Variants in METTL24 observed in about 807,000 individuals in gnomAD.
METTL24 encodes methyltransferase like 24.
In METTL24, 29 loss-of-function variants were observed where a neutral mutation model predicts 32.7. That is an observed-to-expected ratio of 0.89 (90% CI 0.66 to 1.21). The LOEUF is 1.21. METTL24 is among the 50% of genes most tolerant of loss of function. The pLI is 0.00. For missense variants in METTL24, 439 were observed against 468.1 expected, an observed-to-expected ratio of 0.94 and a Z score of 0.57; for synonymous variants, 163 against 179.5, an observed-to-expected ratio of 0.91 and a Z score of 0.73.
At chr6:110,349,938 T>C (rs1772560284) in intron 1 of METTL24, among the ~76,000 whole-genome samples, 1 of 152,106 alleles carries the variant, frequency 6.6e-6, no homozygotes. Context: ...ATGACATAGC[T>C]TCACTGCTGG....
In METTL24 at chr6:110,309,862, C is replaced by CAAAA. The variant is rs11408319; in HGVS notation, c.557+5476_557+5479dup. ...AAGGGGTAAAATGTATTCTTAGGAG[C>CAAAA]AAAAAAAACAAAACAAAACAAAACA... On this transcript the variant is annotated intron_variant, in intron 3 of 4. Transcript: ENST00000338882. Among the ~76,000 whole-genome samples the CAAAA allele has an allele frequency of 5.4e-5, 8 of 148,028 alleles. No individual in the cohort carries two copies. In the South Asian group the frequency reaches 1.5e-3, roughly 28 times the overall value.
At chr6:110,265,189 GAAAGAAA>G (rs1770833359) in intron 4 of METTL24, among the ~76,000 whole-genome samples, 2 of 114,876 alleles carry the variant, frequency 1.7e-5, no homozygotes. Context: ...AAGAAAGAAA[GAAAGAAA>G]GAAAGTTAAT....
intron 3 of METTL24, among the ~76,000 whole-genome samples, chr6:110,303,643 GA>G (rs1422867906): frequency 4.6e-5 from 7 of 152,206 alleles, no homozygotes; most frequent in Admixed American, 3.9e-4. Flanking sequence ...GGGCATCCCT[GA>G]AAGAAATGCA....
At chr6:110,357,824 G>T in intron 1 of METTL24, 131 bp downstream of exon 1, 2 of 313,054 alleles carry the variant, frequency 6.4e-6, no homozygotes, top group Non-Finnish European at 1.0e-5. Context: ...AGAGCACAGG[G>T]GGAAGAGAAG....
intron 4 of METTL24, among the ~76,000 whole-genome samples, chr6:110,286,021 G>A (rs537729395): frequency 2.0e-4 from 30 of 152,236 alleles, no homozygotes; most frequent in African/African-American, 7.2e-4. Context: ...CACAAATCTG[G>A]TCTCATGAAA....
chr6:110,298,259 C>G (rs779137409), intron 4 of METTL24, among the ~76,000 whole-genome samples: 3 of 152,182 alleles, frequency 2.0e-5, no homozygotes, highest in Non-Finnish European at 4.4e-5. Context: ...TATCTGCCTA[C>G]AGAATACAGT....
intron 1 of METTL24, among the ~76,000 whole-genome samples, chr6:110,351,294 C>T (rs1294334141): frequency 2.0e-5 from 3 of 152,032 alleles, no homozygotes; most frequent in Non-Finnish European, 2.9e-5. Context: ...ATCTTGTAGG[C>T]GTATATTCAC....
At chr6:110,313,434 G>A (rs967779531) in intron 3 of METTL24, among the ~76,000 whole-genome samples, 19 of 152,192 alleles carry the variant, frequency 1.2e-4, no homozygotes, top group Admixed American at 2.6e-4. Flanking sequence ...TTACTGCAGA[G>A]CTATCTTATC....
At chr6:110,264,596 A>G (rs1770817752) in intron 4 of METTL24, among the ~76,000 whole-genome samples, 1 of 152,196 alleles carries the variant, frequency 6.6e-6, no homozygotes, top group South Asian at 2.1e-4. Context: ...TAGAAATACC[A>G]TTTGACCCAG....
At chr6:110,349,259 A>G (rs1296316431) in intron 1 of METTL24, among the ~76,000 whole-genome samples, 1 of 152,176 alleles carries the variant, frequency 6.6e-6, no homozygotes, top group South Asian at 2.1e-4. Flanking sequence ...GGCTCTGACC[A>G]TTGGATTGTG....
intron 3 of METTL24, among the ~76,000 whole-genome samples, chr6:110,304,215 C>A (rs1293111700): frequency 6.6e-6 from 1 of 152,138 alleles, no homozygotes; most frequent in Non-Finnish European, 1.5e-5. Flanking sequence ...TGAGGAAAAA[C>A]CAGCGCAAAA....
At chr6:110,278,484 G>A (rs971087569) in intron 4 of METTL24, among the ~76,000 whole-genome samples, 1 of 152,178 alleles carries the variant, frequency 6.6e-6, no homozygotes, top group African/African-American at 2.4e-5. Context: ...TACTAGGCCT[G>A]AGACCAGAGA....
chr6:110,356,559 C>T (rs894802709), intron 1 of METTL24, among the ~76,000 whole-genome samples: 15 of 152,220 alleles, frequency 9.9e-5, no homozygotes, highest in African/African-American at 3.6e-4. Flanking sequence ...CCAGGCAGAG[C>T]TGAAGGCCTC....
At chr6:110,263,025 C>T (rs1164450986) in intron 4 of METTL24, among the ~76,000 whole-genome samples, 3 of 152,124 alleles carry the variant, frequency 2.0e-5, no homozygotes, top group Admixed American at 1.3e-4. Context: ...ACTGAATGTG[C>T]AAAAACTGGA....
At chr6:110,259,979 A>G (rs1778461517) in intron 4 of METTL24, among the ~76,000 whole-genome samples, 1 of 152,210 alleles carries the variant, frequency 6.6e-6, no homozygotes, top group African/African-American at 2.4e-5. Context: ...CACCATCATC[A>G]AAGACCAAAG....
intron 1 of METTL24, among the ~76,000 whole-genome samples, chr6:110,342,432 T>C (rs1772377656): frequency 6.6e-6 from 1 of 152,300 alleles, no homozygotes; most frequent in East Asian, 1.9e-4. Context: ...GTGAGTACCA[T>C]CAGGCTGAGG....
chr6:110,253,985 G>A (rs1449816310), intron 4 of METTL24: 5 of 1,331,088 alleles, frequency 3.8e-6, no homozygotes, highest in South Asian at 2.4e-5. Flanking sequence ...CAACTCAAGA[G>A]CAGCTCCCCT....
intron 1 of METTL24, among the ~76,000 whole-genome samples, chr6:110,353,947 A>T (rs1421683238): frequency 6.6e-6 from 1 of 152,174 alleles, no homozygotes; most frequent in African/African-American, 2.4e-5. Context: ...AAGAAAAAAA[A>T]CCCAAACAGA....
intron 3 of METTL24, among the ~76,000 whole-genome samples, chr6:110,307,016 T>C (rs952214953): frequency 6.6e-6 from 1 of 152,194 alleles, no homozygotes; most frequent in Non-Finnish European, 1.5e-5. Flanking sequence ...GCTGAATAGA[T>C]GAGTGATGAC....
Sources: gnomAD v4.1 joint callset for allele counts (sites outside exome capture counted in the v4.1 genomes callset) on GRCh38, gnomAD v4.1.1 for gene constraint, MANE v1.5 for transcripts, NCBI Gene and HGNC (gene_info 2026-07-23, HGNC 2026-07-21) for gene names.